The following TLCD3B variants were observed in gnomAD, a reference collection of about 807,000 sequenced individuals.
TLCD3B encodes ceramide synthase.
TLCD3B carries 9 observed loss-of-function variants against 23.0 expected under a neutral mutation model. The observed-to-expected ratio is 0.39, with a 90% CI of 0.24 to 0.68. TLCD3B has a LOEUF of 0.68. Among genes scored for constraint, TLCD3B ranks in the 30% least tolerant of loss-of-function variants. The pLI, the probability that TLCD3B is intolerant of heterozygous loss-of-function variation, is 0.44. For synonymous variants in TLCD3B, 161 were observed against 161.0 expected (o/e 1.00, Z 0.00); for missense variants, 307 against 371.8 (o/e 0.83, Z 1.43).
chr16:30,026,601 G>A lies in TLCD3B; in HGVS notation c.444+8C>T. ...CGCACCCCGCCCGCCCAGCTCCCCG[G>A]GACTCACCACTGAGAGTGGGAAGCA... On this transcript the variant is annotated splice_region_variant and intron_variant, in intron 3 of 4. Coordinates refer to ENST00000380495, the MANE Select transcript of TLCD3B (RefSeq NM_031478.6). 1 of 1,611,710 alleles carries A rather than the reference G, an allele frequency of 6.2e-7. No individual in the cohort carries two copies. The highest frequency in any genetic ancestry group is 8.5e-7 in the Non-Finnish European group (1 of 1,178,834).
chr16:30,026,742 C>T lies in TLCD3B; in HGVS notation c.311G>A (p.Gly104Glu), dbSNP rs143598719. Reference sequence around the variant, plus strand: ...GGCCGCTCCGTCGTCCCCTCCATGCCCTTTGACCTGGTGCTTGTGCCAGTG... The same window carrying T: ...GGCCGCTCCGTCGTCCCCTCCATGCTCTTTGACCTGGTGCTTGTGCCAGTG... The part of the protein sequence containing the change: ...LCHWHKHQVK[G>E]HGGDDGAARA... Residue 104 changes from glycine to glutamate, a missense_variant, in exon 3 of 5, where the codon GGG becomes GAG. By Grantham distance (98) the Gly-to-Glu change is moderately conservative. Coordinates refer to ENST00000380495, the MANE Select transcript of TLCD3B (RefSeq NM_031478.6). 3.1e-6 allele frequency: 5 copies of T among 1,613,994 alleles called. No individual in the cohort carries two copies. Among genetic ancestry groups the T allele is most frequent in the South Asian group, 2.2e-5 (2 of 91,080 alleles).
At chr16:30,040,679 A>G (rs2071567654) in intron 3 of TLCD3B, among the ~76,000 whole-genome samples, 1 of 151,910 alleles carries the variant, frequency 6.6e-6, no homozygotes, top group Non-Finnish European at 1.5e-5. Context: ...AATTTGAGAC[A>G]GAGTCTCACT....
chr16:30,048,859 C>T (rs904420879), intron 1 of TLCD3B, among the ~76,000 whole-genome samples: 1 of 152,124 alleles, frequency 6.6e-6, no homozygotes, highest in Non-Finnish European at 1.5e-5. Flanking sequence ...CAACCTTCAC[C>T]TCATGGGTTC....
chr16:30,035,313 T>A (rs775304670), upstream of TLCD3B: 18 of 1,287,598 alleles, frequency 1.4e-5, no homozygotes, highest in South Asian at 2.0e-4. Context: ...CCACCAGCCA[T>A]GGCCCCAGGA....
upstream of TLCD3B, among the ~76,000 whole-genome samples, chr16:30,032,324 C>T (rs2071380129): frequency 6.6e-6 from 1 of 152,160 alleles, no homozygotes; most frequent in Non-Finnish European, 1.5e-5. Flanking sequence ...CAATAGTCAA[C>T]CCTATGGTTT....
At chr16:30,035,180 G>A (rs1290071293), upstream of TLCD3B, 91 of 676,408 alleles carry the variant, frequency 1.3e-4, no homozygotes, top group Non-Finnish European at 1.9e-4. Context: ...CCAAAGTGCT[G>A]GAATTATAGG....
rs1327263860 is a variant in TLCD3B at position 30,030,071 on chromosome 16, C to A, written c.125+332G>T. The stretch of plus-strand genomic sequence containing the variant: ...CCCCAAACACTCACCCTGAATGACA[C>A]CTAGCTGTCTGGCCCTGGCCTCAGT... On this transcript the variant is annotated intron_variant, in intron 1 of 4. Coordinates refer to ENST00000380495, the MANE Select transcript of TLCD3B (RefSeq NM_031478.6). 5.1e-6 allele frequency: 7 copies of A among 1,362,092 alleles called. No individual in the cohort carries two copies. The Admixed American group carries it at 1.6e-4, about 30-fold the overall frequency. 84.4% of individuals were successfully genotyped at this position (1,362,092 alleles called of 1,614,324 possible).
At chr16:30,048,391 G>C (rs2071704890) in intron 1 of TLCD3B, among the ~76,000 whole-genome samples, 1 of 152,114 alleles carries the variant, frequency 6.6e-6, no homozygotes, top group South Asian at 2.1e-4. Flanking sequence ...GGGATTGCAG[G>C]CATGAACCAC....
At chr16:30,044,295 A>G (rs1381687685) in intron 2 of TLCD3B, among the ~76,000 whole-genome samples, 1 of 147,982 alleles carries the variant, frequency 6.8e-6, no homozygotes, top group Non-Finnish European at 1.5e-5. Flanking sequence ...ACAGTGCTAA[A>G]CTAACCATGT....
At chr16:30,036,822 C>T (rs563445793) in intron 3 of TLCD3B, among the ~76,000 whole-genome samples, 2 of 152,254 alleles carry the variant, frequency 1.3e-5, no homozygotes, top group South Asian at 4.1e-4. Flanking sequence ...TGGTGACTCA[C>T]GCCTGTAATC....
intron 2 of TLCD3B, among the ~76,000 whole-genome samples, chr16:30,046,103 C>T (rs1327595829): frequency 2.0e-5 from 3 of 152,020 alleles, no homozygotes. Context: ...GAGGGAGACC[C>T]TGTCTCAAAA....
rs2071082127 is a variant in TLCD3B, at chr16:30,025,509, T to C, written c.541-42A>G. 3 of 1,605,284 alleles carry C rather than the reference T, an allele frequency of 1.9e-6. No individual in the cohort carries two copies. Among genetic ancestry groups the C allele is most frequent in the African/African-American group, 1.3e-5 (1 of 74,660 alleles). On this transcript the variant is annotated intron_variant, in intron 4 of 4. Coordinates refer to ENST00000380495, the MANE Select transcript of TLCD3B (RefSeq NM_031478.6). The surrounding 1 kb of genome is among the most constrained non-coding windows in gnomAD (Gnocchi z 4.1). Reference sequence around the variant, plus strand: ...ACAGTGGCCACGGCAGCAGAAGGGCTCGGCCCCCCTTGGCCCTCTCCCTGC... The same window carrying C: ...ACAGTGGCCACGGCAGCAGAAGGGCCCGGCCCCCCTTGGCCCTCTCCCTGC...
rs993262980 is a variant in TLCD3B, at chr16:30,030,476, G to A, written c.52C>T (p.Leu18Phe). ...GGVVFPGLFL[L>F]SKNTLQRLPQ... ...AGCCGCTGGAGCGTGTTCTTGGAGA[G>A]GAGGAAGAGTCCGGGGAACACCACC... Residue 18 changes from leucine to phenylalanine, a missense_variant, in exon 1 of 5, where the codon CTC becomes TTC. Transcript: ENST00000380495. 1.2e-6 allele frequency: 2 copies of A among 1,607,786 alleles called. No individual in the cohort carries two copies. The highest frequency in any genetic ancestry group is 1.1e-5 in the South Asian group (1 of 90,430).
chr16:30,037,824 T>G (rs557194768), intron 3 of TLCD3B, among the ~76,000 whole-genome samples: 6 of 152,290 alleles, frequency 3.9e-5, no homozygotes, highest in Admixed American at 2.0e-4. Flanking sequence ...TGGGTGTACA[T>G]GGACTTCAAA....
rs1480589482 is a variant in TLCD3B, at chr16:30,030,934, C to T, written c.-407G>A. Reference sequence around the variant, plus strand: ...GAGAGGCTGGGAGGGCCCGAGGAGGCGGGGAGGGGGTGGGGGTGGGTCTGA... The same window carrying T: ...GAGAGGCTGGGAGGGCCCGAGGAGGTGGGGAGGGGGTGGGGGTGGGTCTGA... On this transcript the variant is annotated 5_prime_UTR_variant, in exon 1 of 5. Transcript: ENST00000380495. 1.1e-4 allele frequency: 1 copy of T among 9,274 alleles called. No individual in the cohort carries two copies. The highest frequency in any genetic ancestry group is 2.2e-4 in the Non-Finnish European group (1 of 4,598). 0.6% of individuals were successfully genotyped at this position (9,274 alleles called of 1,614,324 possible). A position where few individuals can be genotyped will look rare whatever the true frequency, so the allele number is the denominator to read the frequency against.
At chr16:30,051,625 C>T (rs1316091071) in intron 1 of TLCD3B, among the ~76,000 whole-genome samples, 2 of 152,024 alleles carry the variant, frequency 1.3e-5, no homozygotes, top group Non-Finnish European at 2.9e-5. Context: ...AGTACTAGAG[C>T]TCAGGATACG....
At chr16:30,036,050 A>T, upstream of TLCD3B, 6 of 1,108,518 alleles carry the variant, frequency 5.4e-6, no homozygotes, top group Non-Finnish European at 6.9e-6. Context: ...GGCATGAGCC[A>T]CTGCACCCAG....
At chr16:30,026,097 T>C (rs1233102271) in intron 3 of TLCD3B, among the ~76,000 whole-genome samples, 1 of 151,946 alleles carries the variant, frequency 6.6e-6, no homozygotes, top group Non-Finnish European at 1.5e-5. Context: ...TAGCCAGGCG[T>C]GTTGGTGGGC....
In TLCD3B at chr16:30,038,489, C is replaced by T. The variant is rs571277505; in HGVS notation, c.-66-2275G>A. ...ATTAAGGGCTGGGCGCAGTGGCTCACGCCTGTAATCCCAGCACTTTGGGAG... is the reference window on the plus strand; with the variant it reads ...ATTAAGGGCTGGGCGCAGTGGCTCATGCCTGTAATCCCAGCACTTTGGGAG... On this transcript the variant is annotated intron_variant, in intron 3 of 6. Transcript: ENST00000561666. Among the ~76,000 whole-genome samples the T allele has an allele frequency of 3.9e-5, 6 of 152,180 alleles. No individual in the cohort carries two copies. The South Asian group carries it at 1.0e-3, about 26-fold the overall frequency.
Sources: allele counts gnomAD v4.1 joint callset (sites outside exome capture counted in the v4.1 genomes callset), GRCh38; gene constraint gnomAD v4.1.1; non-coding constraint Gnocchi (gnomAD v3.1); transcripts MANE v1.5; gene names NCBI Gene and HGNC (gene_info 2026-07-23, HGNC 2026-07-21).